The following DYM variants were observed in gnomAD, a reference collection of about 807,000 sequenced individuals.
The protein encoded by DYM is dymeclin, also known as dyggve-Melchior-Clausen syndrome protein.
In DYM, 78 loss-of-function variants were observed where a neutral mutation model predicts 93.1. That is an observed-to-expected ratio of 0.84 (90% CI 0.70 to 1.01). DYM has a LOEUF of 1.01. Ranked by LOEUF, DYM falls within the 50% of genes least tolerant of loss-of-function variation. The pLI is 0.00. For missense variants in DYM, 789 were observed against 845.0 expected, an observed-to-expected ratio of 0.93 and a Z score of 0.82; for synonymous variants, 321 against 319.7, an observed-to-expected ratio of 1.00 and a Z score of -0.04.
Position 49,086,859 on chromosome 18 carries a change from G to A in DYM, c.2025+10543C>T, listed in dbSNP as rs568213828. Among the ~76,000 whole-genome samples the A allele has an allele frequency of 4.4e-4, 67 of 152,140 alleles. 1 individual carries two copies. In the East Asian group the frequency reaches 0.01, roughly 23 times the overall value. On this transcript the variant is annotated intron_variant, in intron 17 of 17. Transcript: ENST00000675505. ...AAAAATTAGCCAGGCATGGTGGTGC[G>A]TAGCTGTAATCCCAGCGACTCGGGA...
intron 14 of DYM, among the ~76,000 whole-genome samples, chr18:49,187,330 A>C (rs1568564081): frequency 6.6e-6 from 1 of 152,182 alleles, no homozygotes; most frequent in Non-Finnish European, 1.5e-5. Context: ...CCCAATTCTG[A>C]GTATCAACTC....
intron 14 of DYM, among the ~76,000 whole-genome samples, chr18:49,193,818 T>C (rs1332592842): frequency 6.6e-6 from 1 of 152,238 alleles, no homozygotes; most frequent in Non-Finnish European, 1.5e-5. Flanking sequence ...CTTCTTCATC[T>C]TTTATAACAT....
At chr18:49,453,675 A>G (rs1224164676) in intron 1 of DYM, among the ~76,000 whole-genome samples, 1 of 152,148 alleles carries the variant, frequency 6.6e-6, no homozygotes, top group Non-Finnish European at 1.5e-5. Context: ...CTGGAAAGAG[A>G]GTTTTCATTG....
intron 3 of DYM, chr18:49,391,384 C>G: frequency 1.8e-6 from 1 of 556,884 alleles, no homozygotes; most frequent in Non-Finnish European, 3.3e-6. Context: ...GAGTCCATTA[C>G]CACTACTGCA....
intron 8 of DYM, among the ~76,000 whole-genome samples, chr18:49,301,782 C>G (rs2060953145): frequency 6.6e-6 from 1 of 152,172 alleles, no homozygotes; most frequent in Non-Finnish European, 1.5e-5. Flanking sequence ...AGCAGCTAAG[C>G]TTCAGCAGTA....
At chr18:49,266,895 T>C (rs538162852) in intron 11 of DYM, among the ~76,000 whole-genome samples, 2 of 152,144 alleles carry the variant, frequency 1.3e-5, no homozygotes, top group Non-Finnish European at 2.9e-5. Flanking sequence ...ATATTTTGCT[T>C]ACAGTGGAAA....
chr18:49,449,722 AT>A (rs1404250962), intron 1 of DYM, among the ~76,000 whole-genome samples: 1 of 152,208 alleles, frequency 6.6e-6, no homozygotes, highest in Non-Finnish European at 1.5e-5. Flanking sequence ...GTTTTAATTA[AT>A]AAAAAAGAAT....
chr18:49,267,670 G>C (rs1400064552), intron 11 of DYM, among the ~76,000 whole-genome samples: 1 of 152,148 alleles, frequency 6.6e-6, no homozygotes, highest in Admixed American at 6.5e-5. Flanking sequence ...AAGGCGGCTG[G>C]ATCACTCGAG....
intron 16 of DYM, among the ~76,000 whole-genome samples, chr18:49,111,660 T>A (rs183194013): frequency 4.4e-4 from 67 of 152,292 alleles, no homozygotes; most frequent in African/African-American, 1.4e-3. Context: ...CACAGGTTTT[T>A]CAACGTTCAT....
chr18:49,201,071 TAAA>T (rs1386077878), intron 14 of DYM, among the ~76,000 whole-genome samples: 1 of 152,156 alleles, frequency 6.6e-6, no homozygotes, highest in East Asian at 1.9e-4. Context: ...TCTTCACTCT[TAAA>T]AAATCATTCT....
At chr18:49,221,519 A>G (rs983950598) in intron 13 of DYM, among the ~76,000 whole-genome samples, 13 of 152,192 alleles carry the variant, frequency 8.5e-5, no homozygotes, top group African/African-American at 2.7e-4. Flanking sequence ...ATGTCCAACA[A>G]TGATAGACTG....
At chr18:49,352,136 C>A (rs898664438) in intron 6 of DYM, among the ~76,000 whole-genome samples, 3 of 152,152 alleles carry the variant, frequency 2.0e-5, no homozygotes, top group Non-Finnish European at 4.4e-5. Context: ...ATATGTGATA[C>A]GATACAATTT....
intron 17 of DYM, among the ~76,000 whole-genome samples, chr18:49,049,506 C>G (rs2144295137): frequency 6.6e-6 from 1 of 152,302 alleles, no homozygotes; most frequent in Admixed American, 6.5e-5. Context: ...TTACTATACT[C>G]TGAGGCTTGG....
intron 8 of DYM, among the ~76,000 whole-genome samples, chr18:49,290,094 C>A: frequency 6.7e-6 from 1 of 149,396 alleles, no homozygotes; most frequent in Admixed American, 6.7e-5. Context: ...CCAAGGAATA[C>A]TTGAATAGGC....
chr18:49,203,871 T>TAAAA (rs71165370), intron 14 of DYM, among the ~76,000 whole-genome samples: 12 of 63,538 alleles, frequency 1.9e-4, no homozygotes, highest in South Asian at 7.2e-4. Flanking sequence ...TTTAAAAAAG[T>TAAAA]AAAAAAAAAA....
At chr18:49,149,161 T>C (rs2085516443) in intron 15 of DYM, among the ~76,000 whole-genome samples, 1 of 152,080 alleles carries the variant, frequency 6.6e-6, no homozygotes, top group Non-Finnish European at 1.5e-5. Flanking sequence ...CCTATGAGAA[T>C]CTAATGCTGC....
intron 6 of DYM, among the ~76,000 whole-genome samples, chr18:49,340,279 A>G (rs1026097114): frequency 5.3e-5 from 8 of 152,118 alleles, no homozygotes; most frequent in Non-Finnish European, 1.0e-4. Context: ...AAAGCCACAG[A>G]CTAAATGTTC....
At chr18:49,055,131 T>A (rs1393503922) in intron 17 of DYM, among the ~76,000 whole-genome samples, 1 of 152,148 alleles carries the variant, frequency 6.6e-6, no homozygotes, top group Non-Finnish European at 1.5e-5. Context: ...GGGTTGTGAC[T>A]TGTGGAGACA....
intron 14 of DYM, among the ~76,000 whole-genome samples, chr18:49,183,388 T>C (rs2090113919): frequency 6.6e-6 from 1 of 152,078 alleles, no homozygotes; most frequent in African/African-American, 2.4e-5. Flanking sequence ...ACTTCTAAAT[T>C]TGTGCCCATC....
Sources: allele counts gnomAD v4.1 joint callset (sites outside exome capture counted in the v4.1 genomes callset), GRCh38; gene constraint gnomAD v4.1.1; transcripts MANE v1.5; gene names NCBI Gene and HGNC (gene_info 2026-07-23, HGNC 2026-07-21).